NETO1: variants seen among roughly 807,000 people sequenced by gnomAD.
The protein encoded by NETO1 is neuropilin and tolloid-like protein 1.
Under a neutral mutation model 61.3 loss-of-function variants are expected in NETO1, and 26 were observed. The observed-to-expected ratio is 0.42, with a 90% CI of 0.31 to 0.59. The LOEUF is 0.59. Among genes scored for constraint, NETO1 ranks in the 20% least tolerant of loss-of-function variants. The probability of loss-of-function intolerance (pLI) is 0.12; values close to 1 mark genes in which losing one functional copy is unlikely to be tolerated. For synonymous variants in NETO1, 225 were observed against 225.8 expected, an observed-to-expected ratio of 1.00 and a Z score of 0.03; for missense variants, 531 against 662.8, an observed-to-expected ratio of 0.80 and a Z score of 2.18.
intron 8 of NETO1, among the ~76,000 whole-genome samples, chr18:72,753,021 G>A (rs2070673406): frequency 6.6e-6 from 1 of 151,854 alleles, no homozygotes; most frequent in Admixed American, 6.6e-5. Context: ...AAAAAATGTG[G>A]CAAATCAACA....
At chr18:72,749,464 G>C (rs1568167337) in intron 9 of NETO1, among the ~76,000 whole-genome samples, 1 of 151,908 alleles carries the variant, frequency 6.6e-6, no homozygotes, top group East Asian at 1.9e-4. Flanking sequence ...TAAATCAAAT[G>C]TTTCTACTAT....
At chr18:72,749,140 T>A (rs541549152) in intron 9 of NETO1, 52 bp from the exon 10 acceptor site, 34 of 855,708 alleles carry the variant, frequency 4.0e-5, no homozygotes, top group African/African-American at 8.8e-5. Flanking sequence ...CACAAAAAAA[T>A]ATGTATACAA....
intron 4 of NETO1, among the ~76,000 whole-genome samples, chr18:72,810,098 TG>T (rs1405946525): frequency 6.6e-6 from 1 of 152,240 alleles, no homozygotes; most frequent in African/African-American, 2.4e-5. Flanking sequence ...TACAACTATC[TG>T]AGAGCTTAAA....
In NETO1 at chr18:72,743,958, C is replaced by A. The variant is rs2070379227; in HGVS notation, c.*4221G>T. The A allele has an allele frequency of 6.6e-6, 1 of 151,994 alleles. No homozygotes were observed. The highest frequency in any genetic ancestry group is 2.4e-5 in the African/African-American group (1 of 41,368). The allele number at this position is 151,994 out of a possible 1,614,324, so 9.4% of individuals were successfully genotyped here. ...GACAAAAAAGAACATGTTGGCTGCA[C>A]AGTACTTACAGATATAAAGGAGTAG... On this transcript the variant is annotated 3_prime_UTR_variant, in exon 11 of 11. Transcript: ENST00000327305.
intron 6 of NETO1, among the ~76,000 whole-genome samples, chr18:72,789,210 GCA>G (rs71166426): frequency 0.16 from 22,454 of 141,346 alleles, 1,772 homozygotes; most frequent in Middle Eastern, 0.2. Flanking sequence ...TAACACACAA[GCA>G]CACACACACA....
intron 7 of NETO1, among the ~76,000 whole-genome samples, chr18:72,763,626 TCA>T (rs1425572415): frequency 6.6e-6 from 1 of 151,188 alleles, no homozygotes; most frequent in East Asian, 1.9e-4. Flanking sequence ...ACACACACAC[TCA>T]CACATTCAAA....
At position 72,746,043 on chromosome 18, in the gene NETO1, T is replaced by C. The variant is rs997812344; in HGVS notation, c.*2136A>G. 6.6e-6 allele frequency: 1 copy of C among 152,108 alleles called. No homozygotes were observed. The highest frequency in any genetic ancestry group is 1.5e-5 in the Non-Finnish European group (1 of 68,022). 9.4% of individuals were successfully genotyped at this position (152,108 alleles called of 1,614,324 possible). On this transcript the variant is annotated 3_prime_UTR_variant, in exon 11 of 11. Transcript: ENST00000327305. ...CCCATTGGTAGATTTCTGGTGAAAA[T>C]ACCTTTTAAGCAGGGAATCAGCATT...
At chr18:72,827,403 C>T (rs2073414523) in intron 4 of NETO1, among the ~76,000 whole-genome samples, 1 of 152,140 alleles carries the variant, frequency 6.6e-6, no homozygotes, top group South Asian at 2.1e-4. Context: ...TACGTGGAGC[C>T]CCTCCATAGG....
At chr18:72,776,572 C>T (rs993708097) in intron 7 of NETO1, among the ~76,000 whole-genome samples, 4 of 152,178 alleles carry the variant, frequency 2.6e-5, no homozygotes, top group African/African-American at 9.6e-5. Context: ...GATGTGGAGT[C>T]TGGTGAGGGT....
chr18:72,811,405 C>T (rs961478588), intron 4 of NETO1, among the ~76,000 whole-genome samples: 1 of 152,228 alleles, frequency 6.6e-6, no homozygotes, highest in African/African-American at 2.4e-5. Context: ...TCAGCTATGG[C>T]TTTCTTCTGG....
chr18:72,826,376 GT>G (rs1287285623), intron 4 of NETO1, among the ~76,000 whole-genome samples: 2 of 152,042 alleles, frequency 1.3e-5, no homozygotes, highest in African/African-American at 4.8e-5. Flanking sequence ...GTGTCTGTAG[GT>G]TTTAATTTCA....
At chr18:72,866,886 A>T (rs2074751604) in intron 1 of NETO1, 1 of 729,510 alleles carries the variant, frequency 1.4e-6, no homozygotes, top group East Asian at 7.0e-5. Flanking sequence ...GGGAGCCCCT[A>T]GAAGAGGAAG....
intron 4 of NETO1, among the ~76,000 whole-genome samples, chr18:72,838,100 G>A (rs1480483588): frequency 2.0e-5 from 3 of 152,110 alleles, no homozygotes; most frequent in Non-Finnish European, 4.4e-5. Context: ...CTCTATGAGA[G>A]ACCTACAGAA....
Position 72,747,525 on chromosome 18 carries a change from T to C in NETO1, c.*654A>G, listed in dbSNP as rs1031473687. 2.6e-5 allele frequency: 4 copies of C among 151,994 alleles called. No individual in the cohort carries two copies. The highest frequency in any genetic ancestry group is 9.7e-5 in the African/African-American group (4 of 41,410). 9.4% of individuals were successfully genotyped at this position (151,994 alleles called of 1,614,324 possible). On this transcript the variant is annotated 3_prime_UTR_variant, in exon 11 of 11. Coordinates refer to ENST00000327305, the MANE Select transcript of NETO1 (RefSeq NM_138966.5). ...CTGAAACTCAGTACTTTCTTTGATA[T>C]AAAACAAAAAGGAAATCAGGGGTAT... is the stretch of plus-strand genomic sequence containing the variant.
chr18:72,865,162 A>G lies in NETO1; in HGVS notation c.82+26T>C, dbSNP rs200710400. 1.2e-4 allele frequency: 193 copies of G among 1,602,634 alleles called. 1 individual carries two copies. The highest frequency in any genetic ancestry group is 3.2e-5 in the Non-Finnish European group (38 of 1,172,350). On this transcript the variant is annotated intron_variant, in intron 2 of 10. Coordinates refer to ENST00000327305, the MANE Select transcript of NETO1 (RefSeq NM_138966.5). ...AATACAAAATAATTCGAGGTCTTCC[A>G]CTAGCATTTTTCTAAGTAAACACAC... is the stretch of plus-strand genomic sequence containing the variant.
At chr18:72,845,436 AAAAT>A (rs1395881885) in intron 4 of NETO1, among the ~76,000 whole-genome samples, 1 of 152,226 alleles carries the variant, frequency 6.6e-6, no homozygotes, top group Admixed American at 6.5e-5. Flanking sequence ...ACAGTATAGA[AAAAT>A]AAATGATATA....
chr18:72,855,680 C>A (rs935050435), intron 4 of NETO1, among the ~76,000 whole-genome samples: 1 of 152,068 alleles, frequency 6.6e-6, no homozygotes, highest in Non-Finnish European at 1.5e-5. Context: ...GAAAGAAAGT[C>A]ATAGACTCAG....
chr18:72,863,081 C>T (rs1165319478), intron 3 of NETO1, among the ~76,000 whole-genome samples: 26 of 152,056 alleles, frequency 1.7e-4, no homozygotes, highest in Admixed American at 1.7e-3. Context: ...CACATTATTC[C>T]TCAAGTTAAA....
intron 4 of NETO1, among the ~76,000 whole-genome samples, chr18:72,825,070 A>C (rs1008071540): frequency 6.6e-6 from 1 of 152,186 alleles, no homozygotes; most frequent in African/African-American, 2.4e-5. Flanking sequence ...AATCCTAAAC[A>C]GAGGATATAA....
Sources: allele counts gnomAD v4.1 joint callset (sites outside exome capture counted in the v4.1 genomes callset), GRCh38; gene constraint gnomAD v4.1.1; transcripts MANE v1.5; gene names NCBI Gene and HGNC (gene_info 2026-07-23, HGNC 2026-07-21).